Variants in LRRC4C observed in about 807,000 individuals in gnomAD.
LRRC4C encodes the protein leucine rich repeat containing 4C, also known as leucine-rich repeat-containing protein 4C.
LRRC4C carries 5 observed loss-of-function variants against 33.6 expected under a neutral mutation model. The observed-to-expected ratio is 0.15, with a 90% confidence interval of 0.08 to 0.31. LRRC4C has a LOEUF of 0.31. Among genes scored for constraint, LRRC4C ranks in the 10% least tolerant of loss-of-function variants. The pLI is 1.00. For missense variants in LRRC4C, 560 were observed against 796.7 expected, an observed-to-expected ratio of 0.70 and a Z score of 3.58; for synonymous variants, 329 against 302.0, an observed-to-expected ratio of 1.09 and a Z score of -0.93.
At chr11:41,155,244 G>A (rs1944175514) in intron 1 of LRRC4C, among the ~76,000 whole-genome samples, 1 of 151,974 alleles carries the variant, frequency 6.6e-6, no homozygotes, top group Non-Finnish European at 1.5e-5. Flanking sequence ...TATTCTTCAG[G>A]AGCAGTCATA....
chr11:40,629,149 C>A (rs953356196), intron 3 of LRRC4C, among the ~76,000 whole-genome samples: 2 of 152,006 alleles, frequency 1.3e-5, no homozygotes, highest in Non-Finnish European at 2.9e-5. Context: ...AAAATTGGCT[C>A]TTATAAGATA....
chr11:40,300,088 G>C (rs1590239272), intron 4 of LRRC4C, among the ~76,000 whole-genome samples: 1 of 152,280 alleles, frequency 6.6e-6, no homozygotes, highest in East Asian at 1.9e-4. Flanking sequence ...TGCGAGCATG[G>C]TGGGAGCAGG....
At chr11:41,208,700 T>C (rs1237989464) in intron 1 of LRRC4C, among the ~76,000 whole-genome samples, 2 of 152,166 alleles carry the variant, frequency 1.3e-5, no homozygotes, top group East Asian at 3.9e-4. Context: ...TACAAGAAAA[T>C]AGAAGAATGG....
chr11:40,685,481 A>T (rs1944907798), intron 2 of LRRC4C, among the ~76,000 whole-genome samples: 1 of 152,004 alleles, frequency 6.6e-6, no homozygotes, highest in Non-Finnish European at 1.5e-5. Flanking sequence ...AATAGATCTA[A>T]AGAGAATATT....
At chr11:40,294,917 C>T (rs1025160427) in intron 4 of LRRC4C, among the ~76,000 whole-genome samples, 3 of 152,080 alleles carry the variant, frequency 2.0e-5, no homozygotes, top group East Asian at 1.9e-4. Context: ...GGGAGGGAGG[C>T]TGCGGTCGAG....
At chr11:41,338,030 AAAC>A (rs1469975586) in intron 1 of LRRC4C, among the ~76,000 whole-genome samples, 1 of 152,228 alleles carries the variant, frequency 6.6e-6, no homozygotes, top group Non-Finnish European at 1.5e-5. Context: ...AAACATGAAG[AAAC>A]AACAGATGCT....
intron 1 of LRRC4C, among the ~76,000 whole-genome samples, chr11:41,037,574 T>TCTCACACACA (rs749499572): frequency 4.3e-4 from 64 of 148,962 alleles, no homozygotes; most frequent in Non-Finnish European, 7.4e-4. Context: ...TCTTTTCCTT[T>TCTCACACACA]CACACACACA....
chr11:41,307,836 C>T (rs1214223178), intron 1 of LRRC4C, among the ~76,000 whole-genome samples: 1 of 152,146 alleles, frequency 6.6e-6, no homozygotes, highest in East Asian at 1.9e-4. Context: ...AGTCATTATA[C>T]CATTTTCATG....
intron 1 of LRRC4C, among the ~76,000 whole-genome samples, chr11:41,188,746 T>C (rs1368036376): frequency 2.0e-5 from 3 of 150,154 alleles, no homozygotes; most frequent in Admixed American, 2.0e-4. Context: ...TGATAAAGAC[T>C]GGTGAAATAA....
chr11:41,217,012 C>A (rs547226126), intron 1 of LRRC4C, among the ~76,000 whole-genome samples: 1 of 152,140 alleles, frequency 6.6e-6, no homozygotes, highest in South Asian at 2.1e-4. Flanking sequence ...TGGAAGAATA[C>A]AAATTTTATT....
chr11:40,804,610 A>G (rs1037775324), intron 2 of LRRC4C, among the ~76,000 whole-genome samples: 3 of 152,162 alleles, frequency 2.0e-5, no homozygotes, highest in African/African-American at 4.8e-5. Flanking sequence ...CCAAGCATGT[A>G]TTATTATTAT....
At chr11:40,316,511 A>G (rs1190574137) in intron 4 of LRRC4C, among the ~76,000 whole-genome samples, 2 of 151,976 alleles carry the variant, frequency 1.3e-5, no homozygotes, top group Non-Finnish European at 2.9e-5. Context: ...GCCAAATCCT[A>G]TTAGTATAAA....
chr11:40,993,862 A>G (rs1042320700), intron 1 of LRRC4C, among the ~76,000 whole-genome samples: 12 of 152,142 alleles, frequency 7.9e-5, no homozygotes, highest in African/African-American at 2.9e-4. Context: ...GAACATAACA[A>G]TTTGAGGATG....
chr11:40,286,752 T>C (rs531706796), intron 4 of LRRC4C, among the ~76,000 whole-genome samples: 9 of 152,244 alleles, frequency 5.9e-5, no homozygotes, highest in South Asian at 4.1e-4. Context: ...AATTTTACAA[T>C]TGAGGAAACC....
At chr11:41,092,471 T>C (rs930307814) in intron 1 of LRRC4C, among the ~76,000 whole-genome samples, 1 of 152,208 alleles carries the variant, frequency 6.6e-6, no homozygotes, top group African/African-American at 2.4e-5. Context: ...GTACAGTGAA[T>C]GATCAACATC....
chr11:40,179,644 AG>A (rs1221638924), intron 5 of LRRC4C, among the ~76,000 whole-genome samples: 2 of 152,174 alleles, frequency 1.3e-5, no homozygotes, highest in African/African-American at 4.8e-5. Flanking sequence ...CACAGAGATC[AG>A]GACCCCCGCA....
At chr11:40,148,281 C>CTAA (rs892992348) in intron 5 of LRRC4C, among the ~76,000 whole-genome samples, 3 of 152,172 alleles carry the variant, frequency 2.0e-5, no homozygotes, top group Non-Finnish European at 2.9e-5. Flanking sequence ...AATGGTTGAG[C>CTAA]TAATGTACAC....
intron 1 of LRRC4C, among the ~76,000 whole-genome samples, chr11:41,397,082 T>C (rs1953847792): frequency 6.6e-6 from 1 of 151,970 alleles, no homozygotes; most frequent in African/African-American, 2.4e-5. Context: ...AGACAAATAG[T>C]GAGGTCAGAT....
intron 1 of LRRC4C, among the ~76,000 whole-genome samples, chr11:41,033,162 C>T (rs767939587): frequency 2.0e-5 from 3 of 151,818 alleles, no homozygotes; most frequent in Non-Finnish European, 2.9e-5. Flanking sequence ...CGTGCTTAGG[C>T]TCCTCAAGGG....
Sources: gnomAD v4.1 joint callset for allele counts (sites outside exome capture counted in the v4.1 genomes callset) on GRCh38, gnomAD v4.1.1 for gene constraint, MANE v1.5 for transcripts, NCBI Gene and HGNC (gene_info 2026-07-23, HGNC 2026-07-21) for gene names.